Variants in AUTS2 observed in about 807,000 individuals in gnomAD.
The protein encoded by AUTS2 is activator of transcription and developmental regulator AUTS2.
In AUTS2, 17 loss-of-function variants were observed where a neutral mutation model predicts 112.4. That is an observed-to-expected ratio of 0.15 (90% CI 0.10 to 0.23). AUTS2 has a LOEUF of 0.23. AUTS2 is among the 10% of genes least tolerant of loss of function. The pLI is 1.00. For missense variants in AUTS2, 1,510 were observed against 1,701.6 expected (o/e 0.89, Z 1.98); for synonymous variants, 751 against 702.7 (o/e 1.07, Z -1.09).
At chr7:69,883,587 TG>T (rs1371861632) in intron 1 of AUTS2, among the ~76,000 whole-genome samples, 4 of 152,166 alleles carry the variant, frequency 2.6e-5, no homozygotes, top group African/African-American at 9.7e-5. Flanking sequence ...ATGCCATCTT[TG>T]GGATGAAGTG....
At chr7:70,418,075 C>CTGTGTGTGTGTGTGTGTGTGTGTG (rs34869843) in intron 4 of AUTS2, among the ~76,000 whole-genome samples, 31 of 136,462 alleles carry the variant, frequency 2.3e-4, no homozygotes, top group Admixed American at 1.2e-3. Flanking sequence ...GGCTAACTTT[C>CTGTGTGTGTGTGTGTGTGTGTGTG]TGTGTGTGTG....
intron 4 of AUTS2, among the ~76,000 whole-genome samples, chr7:70,144,282 C>T (rs934994775): frequency 6.6e-6 from 1 of 151,900 alleles, no homozygotes; most frequent in Non-Finnish European, 1.5e-5. Flanking sequence ...ATATCTCAAC[C>T]CAAAATCAAA....
At chr7:69,882,654 A>G (rs1794105493) in intron 1 of AUTS2, among the ~76,000 whole-genome samples, 1 of 152,198 alleles carries the variant, frequency 6.6e-6, no homozygotes, top group Non-Finnish European at 1.5e-5. Context: ...ACATTAACTA[A>G]TTTAATCCTA....
intron 2 of AUTS2, among the ~76,000 whole-genome samples, chr7:70,000,441 A>G (rs1001480805): frequency 6.6e-6 from 1 of 152,206 alleles, no homozygotes. Flanking sequence ...CAGTTGTACA[A>G]ATTAAATTCA....
intron 4 of AUTS2, among the ~76,000 whole-genome samples, chr7:70,194,301 T>G (rs555847534): frequency 1.3e-5 from 2 of 152,126 alleles, no homozygotes; most frequent in African/African-American, 4.8e-5. Flanking sequence ...TTCCAGCTAC[T>G]CAGGAGGCTG....
At chr7:69,831,320 T>A (rs967032023) in intron 1 of AUTS2, among the ~76,000 whole-genome samples, 4 of 152,220 alleles carry the variant, frequency 2.6e-5, no homozygotes, top group African/African-American at 7.2e-5. Context: ...ACTGCCCTCA[T>A]AGAGGCTTGG....
At chr7:70,523,479 G>A (rs1469009107) in intron 5 of AUTS2, among the ~76,000 whole-genome samples, 1 of 152,194 alleles carries the variant, frequency 6.6e-6, no homozygotes, top group Non-Finnish European at 1.5e-5. Flanking sequence ...AAGTGGTAAA[G>A]TTGACATCTT....
chr7:70,448,112 A>G (rs539166526), intron 5 of AUTS2, among the ~76,000 whole-genome samples: 2 of 152,272 alleles, frequency 1.3e-5, no homozygotes, highest in African/African-American at 4.8e-5. Flanking sequence ...CGAATGCTGG[A>G]CACTTGAATG....
intron 4 of AUTS2, among the ~76,000 whole-genome samples, chr7:70,191,734 C>T (rs1451072616): frequency 6.6e-6 from 1 of 152,044 alleles, no homozygotes; most frequent in Non-Finnish European, 1.5e-5. Context: ...TTTAATTGCT[C>T]TGATTTTACA....
rs71077652 is a variant in AUTS2, at chr7:70,340,163, A to AACAC, written c.661-95560_661-95557dup. Among the ~76,000 whole-genome samples the AACAC allele has an allele frequency of 2.9e-3, 415 of 144,760 alleles. 1 individual carries two copies. The highest frequency in any genetic ancestry group is 6.6e-3 in the African/African-American group (257 of 39,044). 95.0% of individuals were successfully genotyped at this position (144,760 alleles called of 152,430 possible). ...CCATCTGTGTCCATGTATGGAGAGA[A>AACAC]ACACACACACACACACACACACACA... On this transcript the variant is annotated intron_variant, in intron 4 of 18. Coordinates refer to ENST00000342771, the MANE Select transcript of AUTS2 (RefSeq NM_015570.4).
Position 70,076,350 on chromosome 7 carries a change from C to A in AUTS2, c.523-41782C>A, listed in dbSNP as rs182547115. Among the ~76,000 whole-genome samples, 659 of 152,268 alleles carry A rather than the reference C, an allele frequency of 4.3e-3. 5 individuals are homozygous for A. The highest frequency in any genetic ancestry group is 0.014 in the Middle Eastern group (4 of 294). ...ATTTCTTGGACACTGCTACCTTAAG[C>A]AAAATGATATATAATGAAACTAATC... On this transcript the variant is annotated intron_variant, in intron 2 of 18. Coordinates refer to ENST00000342771, the MANE Select transcript of AUTS2 (RefSeq NM_015570.4).
At chr7:70,747,249 G>T (rs941371676) in intron 6 of AUTS2, among the ~76,000 whole-genome samples, 4 of 152,238 alleles carry the variant, frequency 2.6e-5, no homozygotes, top group African/African-American at 7.2e-5. Context: ...GAAAGTAGAA[G>T]TCATTCTGAC....
chr7:70,761,311 C>T (rs1440561085), intron 6 of AUTS2, among the ~76,000 whole-genome samples: 3 of 152,110 alleles, frequency 2.0e-5, no homozygotes, highest in Non-Finnish European at 4.4e-5. Context: ...GGGGAGACCC[C>T]ACCTCTAAAA....
intron 2 of AUTS2, among the ~76,000 whole-genome samples, chr7:70,017,675 A>AT (rs1312803145): frequency 2.0e-5 from 3 of 152,230 alleles, no homozygotes; most frequent in Non-Finnish European, 4.4e-5. Context: ...AGACACAAAT[A>AT]TTTTCAGTCT....
intron 1 of AUTS2, among the ~76,000 whole-genome samples, chr7:69,689,904 G>T (rs1314739816): frequency 6.7e-6 from 1 of 150,158 alleles, no homozygotes; most frequent in Non-Finnish European, 1.5e-5. Context: ...GGTCGGCCAG[G>T]CTGGTCTTGA....
chr7:69,661,929 T>C (rs1795816343), intron 1 of AUTS2, among the ~76,000 whole-genome samples: 1 of 152,184 alleles, frequency 6.6e-6, no homozygotes, highest in Non-Finnish European at 1.5e-5. Flanking sequence ...TAGGAGAAAA[T>C]ACCTCATGAA....
At chr7:70,677,401 C>G (rs896816909) in intron 5 of AUTS2, among the ~76,000 whole-genome samples, 1 of 152,136 alleles carries the variant, frequency 6.6e-6, no homozygotes, top group African/African-American at 2.4e-5. Context: ...CTCTATATTC[C>G]CCTGAAAGCC....
At chr7:70,377,325 AATATATATATAT>A (rs58244266) in intron 4 of AUTS2, among the ~76,000 whole-genome samples, 1,591 of 52,076 alleles carry the variant, frequency 0.031, 39 homozygotes, top group Admixed American at 0.038. Flanking sequence ...AACAAATATA[AATATATATATAT>A]ATATATATAT....
At chr7:70,515,643 T>C (rs958164406) in intron 5 of AUTS2, among the ~76,000 whole-genome samples, 7 of 152,136 alleles carry the variant, frequency 4.6e-5, no homozygotes, top group African/African-American at 1.7e-4. Context: ...AATTCTCCCT[T>C]TGGCTCTCAC....
Sources: allele counts gnomAD v4.1 joint callset (sites outside exome capture counted in the v4.1 genomes callset), GRCh38; gene constraint gnomAD v4.1.1; transcripts MANE v1.5; gene names NCBI Gene and HGNC (gene_info 2026-07-23, HGNC 2026-07-21).